The following ECE1 variants were observed in gnomAD, a reference collection of about 807,000 sequenced individuals.
ECE1 encodes the protein endothelin-converting enzyme 1.
Under a neutral mutation model 98.6 loss-of-function variants are expected in ECE1, and 35 were observed. The observed-to-expected ratio is 0.35, with a 90% CI of 0.27 to 0.47. ECE1 has a LOEUF of 0.47. Ranked by LOEUF, ECE1 falls within the 20% of genes least tolerant of loss-of-function variation. ECE1 has a pLI of 1.00. For synonymous variants in ECE1, 394 were observed against 407.1 expected (o/e 0.97, Z 0.39); for missense variants, 814 against 1,025.3 (o/e 0.79, Z 2.81).
intron 5 of ECE1, among the ~76,000 whole-genome samples, chr1:21,259,241 G>A (rs190794659): frequency 1.3e-5 from 2 of 152,192 alleles, no homozygotes; most frequent in South Asian, 2.1e-4. Context: ...GGTAAATTAC[G>A]GTCTACTTTA....
At chr1:21,314,344 A>G (rs1023075819) in intron 1 of ECE1, among the ~76,000 whole-genome samples, 28 of 152,158 alleles carry the variant, frequency 1.8e-4, no homozygotes, top group Non-Finnish European at 2.8e-4. Flanking sequence ...CCGGGCCCCC[A>G]AATTCCTGGC....
rs1310591082 is a variant in ECE1, at chr1:21,220,338, T to G, written c.2137-207A>C. Among the ~76,000 whole-genome samples, 1 of 151,130 alleles carries G rather than the reference T, an allele frequency of 6.6e-6. No individual in the cohort carries two copies. The highest frequency in any genetic ancestry group is 1.5e-5 in the Non-Finnish European group (1 of 67,784). On this transcript the variant is annotated intron_variant, in intron 18 of 18. Coordinates refer to ENST00000374893, the MANE Select transcript of ECE1 (RefSeq NM_001397.3). The surrounding 1 kb of genome is among the most constrained non-coding windows in gnomAD (Gnocchi z 5.0). ...GGCAAGACCCCATCTCTACAAAAAATTAAAAAAAAAATTAACCAGGGATGG... is the reference window on the plus strand; with the variant it reads ...GGCAAGACCCCATCTCTACAAAAAAGTAAAAAAAAAATTAACCAGGGATGG...
At chr1:21,300,461 G>C (rs1429991538) in intron 1 of ECE1, among the ~76,000 whole-genome samples, 2 of 151,788 alleles carry the variant, frequency 1.3e-5, no homozygotes, top group African/African-American at 2.4e-5. Context: ...TTGAGACAGA[G>C]TCTTGCTCTG....
chr1:21,317,046 G>GT (rs1638845575), intron 1 of ECE1, among the ~76,000 whole-genome samples: 1 of 152,014 alleles, frequency 6.6e-6, no homozygotes, highest in African/African-American at 2.4e-5. Context: ...AGAGAGAGTG[G>GT]TAAGAAACGG....
chr1:21,275,668 G>A (rs994921749), intron 3 of ECE1, among the ~76,000 whole-genome samples: 1 of 152,218 alleles, frequency 6.6e-6, no homozygotes, highest in Admixed American at 6.5e-5. Context: ...CATTGGGCTA[G>A]GGACCTACGA....
intron 1 of ECE1, chr1:21,298,689 G>A (rs1638422669): frequency 2.2e-6 from 1 of 452,660 alleles, no homozygotes; most frequent in African/African-American, 2.0e-5. Context: ...CTGGAGTGCA[G>A]CGAGCATCAG....
intron 4 of ECE1, among the ~76,000 whole-genome samples, chr1:21,263,358 T>G (rs1292376224): frequency 8.9e-6 from 1 of 112,322 alleles, no homozygotes; most frequent in East Asian, 3.4e-4. Flanking sequence ...TTTTTTTATA[T>G]TTATTTTTTT....
chr1:21,227,804 C>T, intron 15 of ECE1, 127 bp downstream of exon 15: 2 of 719,594 alleles, frequency 2.8e-6, no homozygotes, highest in Non-Finnish European at 2.3e-6. Flanking sequence ...TCCTCTGCAA[C>T]ATCTCTGACA....
Position 21,279,344 on chromosome 1 carries a change from G to A in ECE1, c.139-12C>T. 6.2e-7 allele frequency: 1 copy of A among 1,614,154 alleles called. No homozygotes were observed. On this transcript the variant is annotated splice_polypyrimidine_tract_variant and intron_variant, in intron 2 of 18. Coordinates refer to ENST00000374893, the MANE Select transcript of ECE1 (RefSeq NM_001397.3). ...CTGTGGAAGTTCACCTGCAGGGAAG[G>A]AGGCAGGAGGGGCGGGGAAGACGTG...
chr1:21,283,149 G>T (rs1246036222), intron 2 of ECE1, among the ~76,000 whole-genome samples: 1 of 151,926 alleles, frequency 6.6e-6, no homozygotes, highest in South Asian at 2.1e-4. Flanking sequence ...CACCGTGTTA[G>T]CCAGGATGGT....
At chr1:21,269,465 G>A (rs1558401947) in intron 4 of ECE1, among the ~76,000 whole-genome samples, 1 of 152,130 alleles carries the variant, frequency 6.6e-6, no homozygotes, top group Non-Finnish European at 1.5e-5. Context: ...AACCCTTAGA[G>A]CATCCCTACT....
At position 21,220,381 on chromosome 1, in the gene ECE1, C is replaced by G. The variant is rs1189489697; in HGVS notation, c.2137-250G>C. ...AGGGATGGTGGTGTACACCTATGGT[C>G]CCAGCTCCTGGGGAGGCTGAGGTGG... On this transcript the variant is annotated intron_variant, in intron 18 of 18. Coordinates refer to ENST00000374893, the MANE Select transcript of ECE1 (RefSeq NM_001397.3). The surrounding 1 kb of genome is among the most constrained non-coding windows in gnomAD (Gnocchi z 5.0). Among the ~76,000 whole-genome samples, 1 of 152,082 alleles carries G rather than the reference C, an allele frequency of 6.6e-6. No individual in the cohort carries two copies. The highest frequency in any genetic ancestry group is 1.5e-5 in the Non-Finnish European group (1 of 68,014).
At chr1:21,261,512 C>T (rs990472441) in intron 4 of ECE1, among the ~76,000 whole-genome samples, 6 of 152,182 alleles carry the variant, frequency 3.9e-5, no homozygotes, top group East Asian at 1.9e-4. Flanking sequence ...AAGGCCTCTA[C>T]GGGGACATCT....
Position 21,303,279 on chromosome 1 carries a change from C to T in ECE1, c.4-13123G>A, listed in dbSNP as rs117276054. ...GCCCAAGTGGCATAACCATCCCCAG[C>T]GGCCTCACCCTCCACCCTTGCCCTC... is the stretch of plus-strand genomic sequence containing the variant. On this transcript the variant is annotated intron_variant, in intron 1 of 18. Coordinates refer to the ECE1 transcript ENST00000415912. Among the ~76,000 whole-genome samples, 89 of 152,336 alleles carry T rather than the reference C, an allele frequency of 5.8e-4. No homozygotes were observed. The East Asian group carries it at 8.9e-3, about 15-fold the overall frequency.
intron 1 of ECE1, among the ~76,000 whole-genome samples, chr1:21,323,820 T>TC (rs1388911376): frequency 1.6e-5 from 1 of 63,618 alleles, no homozygotes; most frequent in Non-Finnish European, 3.3e-5. Context: ...ATTTTCTTTC[T>TC]TTTTTTTTTT....
At position 21,322,300 on chromosome 1, in the gene ECE1, G is replaced by A. The variant is rs537441171; in HGVS notation, c.3+23076C>T. On this transcript the variant is annotated intron_variant, in intron 1 of 18. Transcript: ENST00000415912. The surrounding 1 kb of genome is among the most constrained non-coding windows in gnomAD (Gnocchi z 4.1). ...CCCGGAGTGCAGCTCCCTCCCTAAC[G>A]GCTGGGGACAGGTCAGTGCCACCCA... Among the ~76,000 whole-genome samples, 191 of 152,230 alleles carry A rather than the reference G, an allele frequency of 1.3e-3. 2 individuals are homozygous for A. The highest frequency in any genetic ancestry group is 4.5e-3 in the African/African-American group (186 of 41,552).
At chr1:21,317,879 G>A (rs533941255) in intron 1 of ECE1, among the ~76,000 whole-genome samples, 5 of 152,228 alleles carry the variant, frequency 3.3e-5, no homozygotes, top group Non-Finnish European at 7.3e-5. Context: ...GGCCGAAGGT[G>A]TGGGGTGCCA....
rs965309041 is a variant in ECE1 at position 21,260,595 on chromosome 1, G to A, written c.494-203C>T. Among the ~76,000 whole-genome samples the A allele has an allele frequency of 1.5e-4, 23 of 152,040 alleles. No homozygotes were observed. Among genetic ancestry groups the A allele is most frequent in the Admixed American group, 1.1e-3 (17 of 15,248 alleles). The stretch of plus-strand genomic sequence containing the variant: ...AGCCTGGCAAGCTGAAGGCGCTCCC[G>A]AAATTTTGCTGACTGCAAAGAAAAA... On this transcript the variant is annotated intron_variant, in intron 4 of 18. Coordinates refer to ENST00000374893, the MANE Select transcript of ECE1 (RefSeq NM_001397.3). The surrounding 1 kb of genome is among the most constrained non-coding windows in gnomAD (Gnocchi z 4.3).
chr1:21,336,965 A>G (rs1446281518), intron 1 of ECE1, among the ~76,000 whole-genome samples: 2 of 152,218 alleles, frequency 1.3e-5, no homozygotes, highest in Non-Finnish European at 2.9e-5. Context: ...TGAACCCAGG[A>G]GACAGAGCTT....
Sources: gnomAD v4.1 joint callset for allele counts (sites outside exome capture counted in the v4.1 genomes callset) on GRCh38, gnomAD v4.1.1 for gene constraint, Gnocchi (gnomAD v3.1) non-coding constraint, MANE v1.5 for transcripts, NCBI Gene and HGNC (gene_info 2026-07-23, HGNC 2026-07-21) for gene names.